Variants in PALM2AKAP2 observed in about 807,000 individuals in gnomAD.
PALM2AKAP2 encodes PALM2-AKAP2 fusion protein.
In PALM2AKAP2, 37 loss-of-function variants were observed where a neutral mutation model predicts 71.5. The ratio of observed to expected loss-of-function variants is 0.52; its 90% confidence interval spans 0.40 to 0.68. The LOEUF (loss-of-function observed/expected upper bound fraction) is 0.68. Among genes scored for constraint, PALM2AKAP2 ranks in the 30% least tolerant of loss-of-function variants. The pLI, the probability that PALM2AKAP2 is intolerant of heterozygous loss-of-function variation, is 0.00. For missense variants in PALM2AKAP2, 1,224 were observed against 1,191.8 expected, an observed-to-expected ratio of 1.03 and a Z score of -0.40; for synonymous variants, 468 against 478.8, an observed-to-expected ratio of 0.98 and a Z score of 0.29.
intron 6 of PALM2AKAP2, among the ~76,000 whole-genome samples, chr9:109,939,692 T>C (rs1305947613): frequency 6.6e-6 from 1 of 152,242 alleles, no homozygotes; most frequent in Admixed American, 6.5e-5. Context: ...ATGCAAATTT[T>C]AAATGCCTAT....
intron 6 of PALM2AKAP2, among the ~76,000 whole-genome samples, chr9:109,949,220 C>T (rs993604044): frequency 3.3e-5 from 5 of 152,300 alleles, no homozygotes; most frequent in Non-Finnish European, 1.5e-5. Context: ...CCACATGGAG[C>T]GCATGACCTC....
At chr9:110,060,898 A>G (rs1247465905) in intron 1 of PALM2AKAP2, among the ~76,000 whole-genome samples, 1 of 152,146 alleles carries the variant, frequency 6.6e-6, no homozygotes, top group Non-Finnish European at 1.5e-5. Context: ...TACTCTAAAT[A>G]TTAAGTTAAG....
intron 1 of PALM2AKAP2, among the ~76,000 whole-genome samples, chr9:110,062,536 T>G (rs1371492065): frequency 6.6e-6 from 1 of 152,180 alleles, no homozygotes; most frequent in Non-Finnish European, 1.5e-5. Context: ...TCTGTCCAAC[T>G]ATAAGAAAAT....
chr9:109,947,017 A>T (rs1290707445), intron 6 of PALM2AKAP2, among the ~76,000 whole-genome samples: 1 of 152,242 alleles, frequency 6.6e-6, no homozygotes, highest in East Asian at 1.9e-4. Context: ...AATTGCCTCT[A>T]AAACTGATTT....
intron 1 of PALM2AKAP2, among the ~76,000 whole-genome samples, chr9:109,724,698 A>G (rs1357965127): frequency 6.6e-6 from 1 of 152,194 alleles, no homozygotes; most frequent in Admixed American, 6.5e-5. Flanking sequence ...GTGTCTTGTT[A>G]TTATCCCCAT....
chr9:109,752,027 T>A (rs931256187), intron 1 of PALM2AKAP2, among the ~76,000 whole-genome samples: 4 of 152,184 alleles, frequency 2.6e-5, no homozygotes, highest in African/African-American at 9.6e-5. Context: ...TTGGCCTGAT[T>A]GGTCCTTTCA....
chr9:109,649,603 T>C (rs1367986514), intron 1 of PALM2AKAP2, among the ~76,000 whole-genome samples: 1 of 152,258 alleles, frequency 6.6e-6, no homozygotes, highest in Non-Finnish European at 1.5e-5. Flanking sequence ...TGTATTTATC[T>C]GCCATTTGCT....
intron 1 of PALM2AKAP2, among the ~76,000 whole-genome samples, chr9:109,721,752 G>A (rs754105009): frequency 6.6e-6 from 1 of 152,188 alleles, no homozygotes; most frequent in African/African-American, 2.4e-5. Flanking sequence ...AGCCTACATG[G>A]CAGTGGAGAT....
chr9:110,007,602 A>G (rs1436416693), intron 6 of PALM2AKAP2, among the ~76,000 whole-genome samples: 1 of 151,956 alleles, frequency 6.6e-6, no homozygotes, highest in Non-Finnish European at 1.5e-5. Context: ...AGGAATTTTC[A>G]AGGGGAGTTT....
intron 1 of PALM2AKAP2, among the ~76,000 whole-genome samples, chr9:110,067,757 A>G (rs766997658): frequency 6.6e-6 from 1 of 152,248 alleles, no homozygotes; most frequent in Non-Finnish European, 1.5e-5. Context: ...AATGCTGGCT[A>G]AAACTGAATT....
intron 1 of PALM2AKAP2, among the ~76,000 whole-genome samples, chr9:110,103,390 C>T (rs1252784038): frequency 3.9e-5 from 6 of 152,186 alleles, no homozygotes; most frequent in Admixed American, 3.9e-4. Context: ...CTTGTGCTAA[C>T]CTTGCAGCAA....
At chr9:110,019,843 G>A (rs1278739515) in intron 7 of PALM2AKAP2, among the ~76,000 whole-genome samples, 1 of 152,178 alleles carries the variant, frequency 6.6e-6, no homozygotes, top group Non-Finnish European at 1.5e-5. Context: ...TGGATACTAT[G>A]TTCACTGTTT....
In PALM2AKAP2 at chr9:109,643,166, C is replaced by A. The variant is rs62581666; in HGVS notation, c.5+2300C>A. 5.3e-5 allele frequency among the ~76,000 whole-genome samples: 8 copies of A among 151,970 alleles called. No individual in the cohort carries two copies. The South Asian group carries it at 1.7e-3, about 31-fold the overall frequency. On this transcript the variant is annotated intron_variant, in intron 1 of 6. Coordinates refer to the PALM2AKAP2 transcript ENST00000374531. ...ATGCCTGAAGGGCAATTGAGAGTAA[C>A]ATAATTCCCAAGATACCACTGTTGA...
At chr9:109,748,600 A>G (rs1828837885) in intron 1 of PALM2AKAP2, among the ~76,000 whole-genome samples, 1 of 152,210 alleles carries the variant, frequency 6.6e-6, no homozygotes, top group South Asian at 2.1e-4. Flanking sequence ...GATTGCATGT[A>G]CTGTCATGTG....
chr9:109,994,819 T>C (rs1832545046), intron 6 of PALM2AKAP2, among the ~76,000 whole-genome samples: 1 of 152,192 alleles, frequency 6.6e-6, no homozygotes, highest in Non-Finnish European at 1.5e-5. Context: ...TGGGAGGCTC[T>C]GATCCTGAGC....
rs1423829840 is a variant in PALM2AKAP2, at chr9:110,059,538, G to T, written c.156+10683G>T. Among the ~76,000 whole-genome samples, 4 of 152,090 alleles carry T rather than the reference G, an allele frequency of 2.6e-5. No individual in the cohort carries two copies. In the East Asian group the frequency reaches 7.7e-4, roughly 29 times the overall value. ...ATTCCAAGAAAAATAAAATCTTTTT[G>T]CAATTTCTATGCATCATCTTTTTAT... On this transcript the variant is annotated intron_variant, in intron 1 of 3. Coordinates refer to ENST00000374525, the Ensembl canonical transcript of PALM2AKAP2.
chr9:109,707,025 G>A (rs1222267346), intron 1 of PALM2AKAP2, among the ~76,000 whole-genome samples: 3 of 152,208 alleles, frequency 2.0e-5, no homozygotes, highest in Non-Finnish European at 4.4e-5. Flanking sequence ...AGTACACTAA[G>A]TGAGTGAGCT....
At chr9:109,657,948 G>GTT (rs200838309) in intron 1 of PALM2AKAP2, among the ~76,000 whole-genome samples, 2,471 of 150,528 alleles carry the variant, frequency 0.016, 70 homozygotes, top group African/African-American at 0.057. Flanking sequence ...TTGTGTGTGT[G>GTT]TGTGTGTGTG....
intron 6 of PALM2AKAP2, among the ~76,000 whole-genome samples, chr9:109,993,238 G>T (rs916521814): frequency 6.0e-5 from 9 of 150,262 alleles, no homozygotes; most frequent in Admixed American, 2.0e-4. Context: ...TCCAGGAGTT[G>T]TTGTTTTGGG....
Sources: gnomAD v4.1 joint callset for allele counts (sites outside exome capture counted in the v4.1 genomes callset) on GRCh38, gnomAD v4.1.1 for gene constraint, MANE v1.5 for transcripts, NCBI Gene and HGNC (gene_info 2026-07-23, HGNC 2026-07-21) for gene names.